SLC39A11: variants seen among roughly 807,000 people sequenced by gnomAD.
The protein encoded by SLC39A11 is solute carrier family 39 member 11.
SLC39A11 carries 33 observed loss-of-function variants against 36.1 expected under a neutral mutation model. That is an observed-to-expected ratio of 0.91 (90% CI 0.69 to 1.22). The LOEUF is 1.22. Among genes scored for constraint, SLC39A11 ranks in the 50% most tolerant of loss-of-function variants. The pLI is 0.00. For synonymous variants in SLC39A11, 166 were observed against 170.3 expected (o/e 0.97, Z 0.20); for missense variants, 432 against 430.3 (o/e 1.00, Z -0.03).
intron 6 of SLC39A11, among the ~76,000 whole-genome samples, chr17:72,810,847 G>A (rs999618967): frequency 5.3e-5 from 8 of 151,946 alleles, no homozygotes; most frequent in Admixed American, 2.6e-4. Flanking sequence ...CACTACATCC[G>A]GCTAATTTTT....
At chr17:72,890,284 C>CAAA (rs11335169) in intron 5 of SLC39A11, among the ~76,000 whole-genome samples, 3 of 140,972 alleles carry the variant, frequency 2.1e-5, no homozygotes, top group African/African-American at 2.6e-5. Flanking sequence ...ACAACAACAA[C>CAAA]AAAAAAAAAA....
At chr17:73,064,190 G>C (rs1568214568) in intron 3 of SLC39A11, among the ~76,000 whole-genome samples, 1 of 152,182 alleles carries the variant, frequency 6.6e-6, no homozygotes, top group African/African-American at 2.4e-5. Context: ...CATCGGGCCT[G>C]ATGGTTCCAT....
At chr17:72,871,996 C>A (rs564084187) in intron 5 of SLC39A11, among the ~76,000 whole-genome samples, 1 of 152,130 alleles carries the variant, frequency 6.6e-6, no homozygotes, top group South Asian at 2.1e-4. Context: ...GGTGTCCTTA[C>A]AAAACTGGAG....
intron 6 of SLC39A11, among the ~76,000 whole-genome samples, chr17:72,795,941 T>C (rs541623098): frequency 2.8e-4 from 43 of 152,058 alleles, no homozygotes; most frequent in African/African-American, 1.0e-3. Flanking sequence ...AATGAGCAAA[T>C]AACAAATGAA....
intron 4 of SLC39A11, among the ~76,000 whole-genome samples, chr17:72,949,534 T>C (rs143956354): frequency 7.9e-5 from 12 of 152,074 alleles, no homozygotes; most frequent in Non-Finnish European, 1.8e-4. Flanking sequence ...GCACAGTCAG[T>C]GACTGGTGAG....
intron 5 of SLC39A11, among the ~76,000 whole-genome samples, chr17:72,920,169 A>G (rs1451196798): frequency 1.3e-5 from 2 of 152,088 alleles, no homozygotes; most frequent in Non-Finnish European, 2.9e-5. Context: ...GAAATTCAAC[A>G]GGGGGATAAG....
At chr17:72,856,837 C>T (rs371777212) in intron 5 of SLC39A11, among the ~76,000 whole-genome samples, 1 of 152,148 alleles carries the variant, frequency 6.6e-6, no homozygotes, top group Non-Finnish European at 1.5e-5. Flanking sequence ...TGCACCACCC[C>T]ACCCGGCTAA....
intron 3 of SLC39A11, among the ~76,000 whole-genome samples, chr17:73,081,662 CACACACACATAT>C (rs1568242777): frequency 1.4e-4 from 11 of 76,874 alleles, no homozygotes; most frequent in South Asian, 5.1e-4. Flanking sequence ...CACACACACA[CACACACACATAT>C]ATATACACAT....
chr17:72,776,803 T>C (rs758169719), intron 6 of SLC39A11, among the ~76,000 whole-genome samples: 6 of 151,992 alleles, frequency 3.9e-5, no homozygotes, highest in Non-Finnish European at 8.8e-5. Flanking sequence ...AAAATAGTGG[T>C]TTGGACAGCT....
intron 7 of SLC39A11, among the ~76,000 whole-genome samples, chr17:72,662,099 T>A (rs1029524799): frequency 5.9e-5 from 9 of 152,138 alleles, no homozygotes; most frequent in Non-Finnish European, 8.8e-5. Context: ...TGTGCCTCTG[T>A]AGCCATCAAA....
At chr17:72,914,900 G>T (rs1380588831) in intron 5 of SLC39A11, among the ~76,000 whole-genome samples, 2 of 125,776 alleles carry the variant, frequency 1.6e-5, no homozygotes, top group Non-Finnish European at 3.9e-5. Flanking sequence ...TTGAATATCT[G>T]TGCCTTTTGT....
intron 4 of SLC39A11, among the ~76,000 whole-genome samples, chr17:72,993,586 C>A (rs1316031636): frequency 6.6e-6 from 1 of 152,162 alleles, no homozygotes; most frequent in African/African-American, 2.4e-5. Flanking sequence ...ATTGACTAAT[C>A]AATCCTTTTC....
intron 3 of SLC39A11, among the ~76,000 whole-genome samples, chr17:73,036,738 C>T (rs997859413): frequency 6.6e-6 from 1 of 152,226 alleles, no homozygotes; most frequent in East Asian, 1.9e-4. Flanking sequence ...TGAGCCACCA[C>T]GACCAGCTGG....
intron 5 of SLC39A11, among the ~76,000 whole-genome samples, chr17:72,859,028 C>G (rs2079811276): frequency 6.6e-6 from 1 of 152,210 alleles, no homozygotes; most frequent in African/African-American, 2.4e-5. Flanking sequence ...ACTTCCATTA[C>G]TATGTTGAAT....
chr17:72,990,286 C>T (rs1168948129), intron 4 of SLC39A11, among the ~76,000 whole-genome samples: 1 of 151,918 alleles, frequency 6.6e-6, no homozygotes, highest in African/African-American at 2.4e-5. Context: ...CTAGTCACTA[C>T]AAAATGACCA....
chr17:73,036,593 C>T (rs2143261113), intron 3 of SLC39A11, among the ~76,000 whole-genome samples: 1 of 152,184 alleles, frequency 6.6e-6, no homozygotes, highest in Non-Finnish European at 1.5e-5. Flanking sequence ...ATTACAGGTG[C>T]CCACCATGCC....
intron 4 of SLC39A11, among the ~76,000 whole-genome samples, chr17:72,990,591 AT>A (rs761811155): frequency 6.6e-6 from 1 of 151,742 alleles, no homozygotes; most frequent in Non-Finnish European, 1.5e-5. Flanking sequence ...GGTCCAGCTA[AT>A]TTTTTTTGTA....
chr17:73,061,736 T>C (rs967466267), intron 3 of SLC39A11, among the ~76,000 whole-genome samples: 1 of 152,234 alleles, frequency 6.6e-6, no homozygotes, highest in Admixed American at 6.5e-5. Context: ...GGCTCATGCC[T>C]ACAATCTCAG....
At chr17:72,771,140 T>A (rs1266941191) in intron 6 of SLC39A11, among the ~76,000 whole-genome samples, 1 of 151,562 alleles carries the variant, frequency 6.6e-6, no homozygotes, top group Non-Finnish European at 1.5e-5. Flanking sequence ...ATACTAGCAC[T>A]TTGAGAGGCT....
Sources: allele counts gnomAD v4.1 joint callset (sites outside exome capture counted in the v4.1 genomes callset), GRCh38; gene constraint gnomAD v4.1.1; transcripts MANE v1.5; gene names NCBI Gene and HGNC (gene_info 2026-07-23, HGNC 2026-07-21).